Variants in LRP1 observed in about 807,000 individuals in gnomAD.
LRP1 encodes prolow-density lipoprotein receptor-related protein 1.
A neutral mutation model predicts 541.5 loss-of-function variants in LRP1; 51 were observed. That is an observed-to-expected ratio of 0.09 (90% CI 0.08 to 0.12). LRP1 has a LOEUF of 0.12. Among genes scored for constraint, LRP1 ranks in the 10% least tolerant of loss-of-function variants. LRP1 has a pLI of 1.00. For synonymous variants in LRP1, 2,219 were observed against 2,470.8 expected (o/e 0.90, Z 3.02); for missense variants, 3,878 against 6,376.2 (o/e 0.61, Z 13.34).
Position 57,212,586 on chromosome 12 carries a change from G to T in LRP1, c.*31G>T. On this transcript the variant is annotated 3_prime_UTR_variant, in exon 89 of 89. Transcript: ENST00000243077. The surrounding 1 kb of genome is among the most constrained non-coding windows in gnomAD (Gnocchi z 5.0). The stretch of plus-strand genomic sequence containing the variant: ...TGCCCCGTCGGACTGCCCCCAGAAA[G>T]CCTCCTGCCCCCTGCCAGTGAAGTC... 6.4e-7 allele frequency: 1 copy of T among 1,551,272 alleles called. No homozygotes were observed.
chr12:57,172,129 G>A (rs1419669942), intron 20 of LRP1, among the ~76,000 whole-genome samples: 2 of 148,314 alleles, frequency 1.3e-5, no homozygotes, highest in Admixed American at 6.7e-5. Context: ...GCGTGATCTC[G>A]GCTCACTGCA....
chr12:57,178,500 G>A lies in LRP1; in HGVS notation c.4503G>A (p.Leu1501=). The change falls in exon 27 of 89, where the codon CTG becomes CTA. Residue 1501 remains leucine, a synonymous_variant. Transcript: ENST00000243077. This position sits in a 1 kb window ranked among gnomAD's most constrained non-coding sequence, Gnocchi z 5.8. ...GGACTGACTGGCGAACAAACACACT[G>A]GCTAAGGCCAACAAGTGGACCGGCC... ...VYWTDWRTNT[L]AKANKWTGHN... 6.2e-7 allele frequency: 1 copy of A among 1,614,216 alleles called. No individual in the cohort carries two copies. Among genetic ancestry groups the A allele is most frequent in the Non-Finnish European group, 8.5e-7 (1 of 1,180,036 alleles).
chr12:57,154,761 GGGGGGAAGCCTCTGTA>G lies in LRP1; in HGVS notation c.1227+65_1227+80del. ...ACCATGATCCAGGGCCTTCTGGTGA[GGGGGGAAGCCTCTGTA>G]GGGGAACCGTTCTCTGAGTCTCCTG... On this transcript the variant is annotated intron_variant, in intron 8 of 88. Coordinates refer to ENST00000243077, the MANE Select transcript of LRP1 (RefSeq NM_002332.3). This position sits in a 1 kb window ranked among gnomAD's most constrained non-coding sequence, Gnocchi z 4.6. 1 of 1,459,824 alleles carries G rather than the reference GGGGGGAAGCCTCTGTA, an allele frequency of 6.9e-7. No individual in the cohort carries two copies. Among genetic ancestry groups the G allele is most frequent in the Non-Finnish European group, 9.4e-7 (1 of 1,064,990 alleles). The allele number at this position is 1,459,824 out of a possible 1,614,324, so 90.4% of individuals were successfully genotyped here.
chr12:57,180,925 C>A, intron 33 of LRP1, 118 bp downstream of exon 33: 1 of 1,388,076 alleles, frequency 7.2e-7, no homozygotes, highest in Non-Finnish European at 9.9e-7. Flanking sequence ...ACCCACCACC[C>A]AAAGGGGCTC....
In LRP1 at chr12:57,185,019, C is replaced by T; in HGVS notation, c.6338+29C>T. 6.2e-7 allele frequency: 1 copy of T among 1,613,814 alleles called. No homozygotes were observed. The highest frequency in any genetic ancestry group is 1.3e-5 in the African/African-American group (1 of 75,050). On this transcript the variant is annotated intron_variant, in intron 39 of 88. Transcript: ENST00000243077. This position sits in a 1 kb window ranked among gnomAD's most constrained non-coding sequence, Gnocchi z 4.9. ...AGGGCTTCTGTCCTGGCCTCCTCAGCTGATCTCTTCCTTCCCTCCTGCCTC... is the reference window on the plus strand; with the variant it reads ...AGGGCTTCTGTCCTGGCCTCCTCAGTTGATCTCTTCCTTCCCTCCTGCCTC...
Position 57,178,924 on chromosome 12 carries a change from C to G in LRP1, c.4641C>G (p.Gly1547=), listed in dbSNP as rs1171083543. 6.2e-7 allele frequency: 1 copy of G among 1,613,894 alleles called. No homozygotes were observed. Residue 1547 remains glycine, a synonymous_variant, in exon 28 of 89, where the codon GGC becomes GGG. Coordinates refer to ENST00000243077, the MANE Select transcript of LRP1 (RefSeq NM_002332.3). This position sits in a 1 kb window ranked among gnomAD's most constrained non-coding sequence, Gnocchi z 5.8. ...PNPCEANGGQ[G]PCSHLCLINY... is the part of the protein sequence containing the mutation. ...CCTGTGAGGCCAATGGGGGCCAGGG[C>G]CCCTGCTCCCACCTGTGTCTCATCA...
At chr12:57,130,601 G>A (rs1026824746) in intron 1 of LRP1, among the ~76,000 whole-genome samples, 4 of 152,022 alleles carry the variant, frequency 2.6e-5, no homozygotes, top group African/African-American at 7.3e-5. Context: ...GGTTGCAGCC[G>A]CTTCTGGGAG....
chr12:57,188,233 C>T (rs994722180), intron 42 of LRP1, among the ~76,000 whole-genome samples: 1 of 152,210 alleles, frequency 6.6e-6, no homozygotes, highest in Non-Finnish European at 1.5e-5. Context: ...GCCCTCATCC[C>T]GGCTGTTTGG....
Position 57,204,516 on chromosome 12 carries a change from C to A in LRP1, c.11058C>A (p.Asn3686Lys). Residue 3686 changes from asparagine to lysine, a missense_variant, in exon 71 of 89, where the codon AAC becomes AAA. Around this residue, in one of 13 missense-constraint regions of LRP1, gnomAD observed 871 missense variants for 1,212.4 expected, o/e 0.72. Coordinates refer to ENST00000243077, the MANE Select transcript of LRP1 (RefSeq NM_002332.3). The surrounding 1 kb of genome is among the most constrained non-coding windows in gnomAD (Gnocchi z 5.3). ...EDDCGDNSDE[N>K]PEECARFVCP... ...ACTGTGGGGACAACTCAGATGAGAA[C>A]CCCGAGGAGTGTGGTGAGATTTGGG... 2 of 1,601,024 alleles carry A rather than the reference C, an allele frequency of 1.2e-6. No homozygotes were observed. Among genetic ancestry groups the A allele is most frequent in the Non-Finnish European group, 1.7e-6 (2 of 1,171,688 alleles).
Position 57,208,060 on chromosome 12 carries a change from G to A in LRP1, c.11882G>A (p.Arg3961Lys). The change falls in exon 77 of 89, where the codon AGA becomes AAA. Residue 3961 changes from arginine (R) to lysine (K), a missense_variant. Physicochemically the swap from Arg to Lys is conservative, Grantham distance 26. This residue lies in a region of LRP1 where 871 missense variants were observed against 1,212.4 expected (regional missense o/e 0.72). Transcript: ENST00000243077. ...HLNISGLKMP[R>K]GIAIDWVAGN... The stretch of plus-strand genomic sequence containing the variant: ...CAGATTTCAGGGCTGAAGATGCCCA[G>A]AGGCATCGCCATCGACTGGGTGGCC... The A allele has an allele frequency of 6.2e-7, 1 of 1,614,158 alleles. No homozygotes were observed. Among genetic ancestry groups the A allele is most frequent in the South Asian group, 1.1e-5 (1 of 91,082 alleles).
At chr12:57,176,863 CAAAA>C (rs375688316) in intron 24 of LRP1, among the ~76,000 whole-genome samples, 174 bp from the exon 25 acceptor site, 1 of 128,700 alleles carries the variant, frequency 7.8e-6, no homozygotes, top group African/African-American at 2.9e-5. Flanking sequence ...GACCCTGTCT[CAAAA>C]AAAAAAAAAA....
Position 57,190,943 on chromosome 12 carries a change from G to C in LRP1, c.7170G>C (p.Lys2390Asn). The C allele has an allele frequency of 6.2e-7, 1 of 1,613,334 alleles. No individual in the cohort carries two copies. The highest frequency in any genetic ancestry group is 8.5e-7 in the Non-Finnish European group (1 of 1,179,996). The part of the protein sequence containing the change: ...NGLAIDHRAE[K>N]LYFSDATLDK... ...TGGCCATCGACCACCGTGCCGAGAA[G>C]CTCTACTTCTCTGACGCCACCCTGG... is the stretch of plus-strand genomic sequence containing the variant. The change falls in exon 43 of 89, where the codon AAG becomes AAC. Residue 2390 changes from lysine (K) to asparagine (N), a missense_variant. Transcript: ENST00000243077.
chr12:57,133,931 C>T (rs755388391), intron 1 of LRP1, among the ~76,000 whole-genome samples: 5 of 151,988 alleles, frequency 3.3e-5, no homozygotes, highest in Non-Finnish European at 5.9e-5. Flanking sequence ...GGTTGGACTT[C>T]GCTGTCACCC....
In LRP1 at chr12:57,156,286, G is replaced by A. The variant is rs2035617886; in HGVS notation, c.1417+3G>A. 1 of 1,613,720 alleles carries A rather than the reference G, an allele frequency of 6.2e-7. No homozygotes were observed. The highest frequency in any genetic ancestry group is 1.3e-5 in the African/African-American group (1 of 74,928). On this transcript the variant is annotated splice_donor_region_variant and intron_variant, in intron 9 of 88. Transcript: ENST00000243077. This position sits in a 1 kb window ranked among gnomAD's most constrained non-coding sequence, Gnocchi z 5.2. ...CCACCAGAGGCGTCAGCCCCGAGGT[G>A]AGCAGGGCTCCATGGCCCCTCCAAA...
In LRP1 at chr12:57,184,749, C is replaced by T. The variant is rs1394874349; in HGVS notation, c.6187-90C>T. On this transcript the variant is annotated intron_variant, in intron 38 of 88. Coordinates refer to ENST00000243077, the MANE Select transcript of LRP1 (RefSeq NM_002332.3). This position sits in a 1 kb window ranked among gnomAD's most constrained non-coding sequence, Gnocchi z 7.8. ...TTAGGGGAGGCTGAACTGAGGGCCTCACTCTGGCCCAGGCACTCCCTGCTG... is the reference window on the plus strand; with the variant it reads ...TTAGGGGAGGCTGAACTGAGGGCCTTACTCTGGCCCAGGCACTCCCTGCTG... 1.4e-6 allele frequency: 2 copies of T among 1,402,300 alleles called. No individual in the cohort carries two copies. Among genetic ancestry groups the T allele is most frequent in the African/African-American group, 1.4e-5 (1 of 70,374 alleles). The allele number at this position is 1,402,300 out of a possible 1,614,324, so 86.9% of individuals were successfully genotyped here. A position where few individuals can be genotyped will look rare whatever the true frequency, so the allele number is the denominator to read the frequency against.
chr12:57,191,910 C>CACACACACACCACATACACAGAT (rs1565744012), intron 44 of LRP1, among the ~76,000 whole-genome samples: 1 of 41,172 alleles, frequency 2.4e-5, no homozygotes, highest in Non-Finnish European at 4.4e-5. Flanking sequence ...ATACACACAC[C>CACACACACACCACATACACAGAT]ACCACACACA....
intron 3 of LRP1, 53 bp downstream of exon 3, chr12:57,141,564 C>A: frequency 6.2e-7 from 1 of 1,608,796 alleles, no homozygotes; most frequent in Non-Finnish European, 8.5e-7. Context: ...ATATTATCAG[C>A]CCACCTTCCG....
chr12:57,180,189 C>A, intron 31 of LRP1, 48 bp downstream of exon 31: 1 of 1,590,662 alleles, frequency 6.3e-7, no homozygotes, highest in Non-Finnish European at 8.6e-7. Flanking sequence ...AATTCCTTGA[C>A]CAGCAGGTGC....
chr12:57,177,270 CTGGCCCCA>C lies in LRP1; in HGVS notation c.4196+33_4196+40del, dbSNP rs746819515. 1 of 1,610,026 alleles carries C rather than the reference CTGGCCCCA, an allele frequency of 6.2e-7. No homozygotes were observed. Among genetic ancestry groups the C allele is most frequent in the South Asian group, 1.1e-5 (1 of 90,914 alleles). On this transcript the variant is annotated intron_variant, in intron 25 of 88. Coordinates refer to ENST00000243077, the MANE Select transcript of LRP1 (RefSeq NM_002332.3). This position sits in a 1 kb window ranked among gnomAD's most constrained non-coding sequence, Gnocchi z 6.8. ...GGTGAGGACCTTGCCCAGCCTTCTC[CTGGCCCCA>C]TGGCCCCCCTGAAGTCCCATTCAGC...
Sources: allele counts gnomAD v4.1 joint callset (sites outside exome capture counted in the v4.1 genomes callset), GRCh38; gene constraint gnomAD v4.1.1; regional missense constraint gnomAD v4.1.1; non-coding constraint Gnocchi (gnomAD v3.1); transcripts MANE v1.5; gene names NCBI Gene and HGNC (gene_info 2026-07-23, HGNC 2026-07-21).